Variants in TACO1 observed in about 807,000 individuals in gnomAD.
TACO1 encodes translational activator of cytochrome c oxidase 1.
A neutral mutation model predicts 24.0 loss-of-function variants in TACO1; 13 were observed. The observed-to-expected ratio is 0.54, with a 90% CI of 0.35 to 0.86. The LOEUF (loss-of-function observed/expected upper bound fraction) is 0.86. TACO1 is among the 40% of genes least tolerant of loss of function. The pLI is 0.01. For synonymous variants in TACO1, 149 were observed against 153.5 expected, an observed-to-expected ratio of 0.97 and a Z score of 0.22; for missense variants, 352 against 380.1, an observed-to-expected ratio of 0.93 and a Z score of 0.61.
intron 2 of TACO1, among the ~76,000 whole-genome samples, chr17:63,605,546 G>C (rs145380781): frequency 5.8e-4 from 88 of 152,348 alleles, no homozygotes; most frequent in African/African-American, 2.1e-3. Context: ...TGTTAGGTGA[G>C]TTGACTCAAG....
intron 1 of TACO1, 22 bp from the exon 2 acceptor site, chr17:63,604,512 T>TC: frequency 1.2e-6 from 2 of 1,601,168 alleles, no homozygotes; most frequent in African/African-American, 2.7e-5. Flanking sequence ...CACTCTTTTT[T>TC]TTCTTTTTCT....
chr17:63,608,132 A>G lies in TACO1; in HGVS notation c.*130A>G. On this transcript the variant is annotated 3_prime_UTR_variant, in exon 5 of 5. Coordinates refer to ENST00000258975, the MANE Select transcript of TACO1 (RefSeq NM_016360.4). ...GCAGGCCAGGAGGCCCAAGGACAGGACTTGCGACCTTGAAGCCAAAGGAAT... is the reference window on the plus strand; with the variant it reads ...GCAGGCCAGGAGGCCCAAGGACAGGGCTTGCGACCTTGAAGCCAAAGGAAT... 1 of 1,010,222 alleles carries G rather than the reference A, an allele frequency of 9.9e-7. No individual in the cohort carries two copies. Among genetic ancestry groups the G allele is most frequent in the Non-Finnish European group, 1.5e-6 (1 of 665,936 alleles). The allele number at this position is 1,010,222 out of a possible 1,614,324, so 62.6% of individuals were successfully genotyped here. A position where few individuals can be genotyped will look rare whatever the true frequency, so the allele number is the denominator to read the frequency against.
Position 63,607,383 on chromosome 17 carries a change from G to A in TACO1, c.612G>A (p.Glu204=). The A allele has an allele frequency of 6.2e-7, 1 of 1,614,224 alleles. No individual in the cohort carries two copies. Among genetic ancestry groups the A allele is most frequent in the South Asian group, 1.1e-5 (1 of 91,084 alleles). ...GAGAGAAGAAGGCTGTGAACCTAGA[G>A]CGTGCCCTGGAGATGGCAATCGAAG... ...EDREKKAVNL[E]RALEMAIEAG... The change falls in exon 4 of 5, where the codon GAG becomes GAA. Residue 204 remains glutamate (E), a synonymous_variant. Transcript: ENST00000258975.
intron 2 of TACO1, 75 bp from the exon 3 acceptor site, chr17:63,606,238 G>A (rs1308390234): frequency 2.1e-5 from 33 of 1,590,050 alleles, no homozygotes; most frequent in South Asian, 4.4e-5. Context: ...TTAGTTTTGC[G>A]ATACTTGTAG....
chr17:63,603,462 T>C (rs992827543), intron 1 of TACO1, among the ~76,000 whole-genome samples: 3 of 152,044 alleles, frequency 2.0e-5, no homozygotes, highest in African/African-American at 7.2e-5. Flanking sequence ...CCCCAGCACT[T>C]TGGAAGGCCA....
chr17:63,603,942 C>T (rs904937432), intron 1 of TACO1, among the ~76,000 whole-genome samples: 1 of 150,786 alleles, frequency 6.6e-6, no homozygotes, highest in Non-Finnish European at 1.5e-5. Flanking sequence ...TCGCTTGAAC[C>T]CTGGAGGTTG....
intron 1 of TACO1, among the ~76,000 whole-genome samples, chr17:63,602,726 C>T (rs1312369864): frequency 1.3e-5 from 2 of 151,542 alleles, no homozygotes; most frequent in East Asian, 3.9e-4. Flanking sequence ...GACAGGGTTT[C>T]ACCATGTTGG....
Position 63,601,379 on chromosome 17 carries a change from T to A in TACO1, c.280+16T>A. 1.9e-6 allele frequency: 3 copies of A among 1,610,716 alleles called. No homozygotes were observed. Among genetic ancestry groups the A allele is most frequent in the Non-Finnish European group, 2.5e-6 (3 of 1,179,724 alleles). On this transcript the variant is annotated intron_variant, in intron 1 of 4. Transcript: ENST00000258975. ...GCAGTGAAAGGTGAGACCCTGACGG[T>A]CACCCAGCACTGGCTGCCGCTGCCC...
At chr17:63,603,597 T>C (rs1011090651) in intron 1 of TACO1, among the ~76,000 whole-genome samples, 3 of 152,046 alleles carry the variant, frequency 2.0e-5, no homozygotes, top group Non-Finnish European at 4.4e-5. Context: ...TCCCAGCTAC[T>C]TAGGAGGCTG....
intron 3 of TACO1, 137 bp from the exon 4 acceptor site, chr17:63,607,150 T>G (rs911571872): frequency 2.4e-6 from 2 of 827,744 alleles, no homozygotes; most frequent in African/African-American, 3.4e-5. Context: ...ATTTTCTCCT[T>G]GAGGATGCGA....
chr17:63,607,218 T>C (rs1012515662), intron 3 of TACO1, 69 bp from the exon 4 acceptor site: 2 of 1,384,422 alleles, frequency 1.4e-6, no homozygotes, highest in Admixed American at 3.5e-5. Context: ...AGTGATAGAA[T>C]GATGAGCTTT....
At chr17:63,602,346 A>G (rs1237539616) in intron 1 of TACO1, among the ~76,000 whole-genome samples, 2 of 152,004 alleles carry the variant, frequency 1.3e-5, no homozygotes, top group Admixed American at 1.3e-4. Flanking sequence ...ACCTTGAACA[A>G]GTAGCTTAAC....
At position 63,608,094 on chromosome 17, in the gene TACO1, G is replaced by C. The variant is rs147390679; in HGVS notation, c.*92G>C. On this transcript the variant is annotated 3_prime_UTR_variant, in exon 5 of 5. Coordinates refer to ENST00000258975, the MANE Select transcript of TACO1 (RefSeq NM_016360.4). The stretch of plus-strand genomic sequence containing the variant: ...TGCAGCAATCTCTGAGGGTAAAGCC[G>C]GTGGGAGGCTCAGCAGGCCAGGAGG... 6.9e-7 allele frequency: 1 copy of C among 1,443,476 alleles called. No homozygotes were observed. Among genetic ancestry groups the C allele is most frequent in the Non-Finnish European group, 9.6e-7 (1 of 1,044,494 alleles). The allele number at this position is 1,443,476 out of a possible 1,614,324, so 89.4% of individuals were successfully genotyped here. A position where few individuals can be genotyped will look rare whatever the true frequency, so the allele number is the denominator to read the frequency against.
chr17:63,606,270 G>A, intron 2 of TACO1, 43 bp from the exon 3 acceptor site: 1 of 1,612,066 alleles, frequency 6.2e-7, no homozygotes, highest in Non-Finnish European at 8.5e-7. Context: ...CATGTGGGAA[G>A]GAATTGGGAA....
intron 2 of TACO1, among the ~76,000 whole-genome samples, chr17:63,605,095 G>A (rs999845423): frequency 1.3e-5 from 2 of 152,156 alleles, no homozygotes; most frequent in Admixed American, 6.5e-5. Context: ...AGAGCTCACC[G>A]TCCTTGGTCA....
In TACO1 at chr17:63,601,142, G is replaced by A. The variant is rs1189286030; in HGVS notation, c.59G>A (p.Arg20Gln). The A allele has an allele frequency of 3.2e-6, 5 of 1,543,366 alleles. No individual in the cohort carries two copies. Among genetic ancestry groups the A allele is most frequent in the South Asian group, 1.2e-5 (1 of 83,880 alleles). The change falls in exon 1 of 5, where the codon CGA (arginine) becomes CAA (glutamine). Residue 20 changes from arginine to glutamine, a missense_variant. Transcript: ENST00000258975. The stretch of plus-strand genomic sequence containing the variant: ...GCCGCTGCCCGATGCTTGCTGGCAC[G>A]AGGCCCCGGGGTCAGGGCGGCTCCT... ...SRAAARCLLA[R>Q]GPGVRAAPPR...
intron 2 of TACO1, among the ~76,000 whole-genome samples, chr17:63,606,109 A>G (rs1354889848): frequency 6.6e-6 from 1 of 152,120 alleles, no homozygotes; most frequent in African/African-American, 2.4e-5. Context: ...GACCGGAGAA[A>G]CAGACTCCTT....
intron 1 of TACO1, among the ~76,000 whole-genome samples, chr17:63,604,110 TG>T (rs2033842903): frequency 6.6e-6 from 1 of 151,000 alleles, no homozygotes; most frequent in Non-Finnish European, 1.5e-5. Context: ...GGCCAAGGTG[TG>T]TGGATCACCT....
At chr17:63,607,581 A>G in intron 4 of TACO1, 117 bp downstream of exon 4, 1 of 1,113,584 alleles carries the variant, frequency 9.0e-7, no homozygotes. Context: ...GACAGTTCAC[A>G]TATTGTACAA....
Sources: gnomAD v4.1 joint callset for allele counts (sites outside exome capture counted in the v4.1 genomes callset) on GRCh38, gnomAD v4.1.1 for gene constraint, MANE v1.5 for transcripts, NCBI Gene and HGNC (gene_info 2026-07-23, HGNC 2026-07-21) for gene names.